The following LHFPL2 variants were observed in gnomAD, a reference collection of about 807,000 sequenced individuals.
LHFPL2 encodes the protein LHFPL tetraspan subfamily member 2.
A neutral mutation model predicts 17.5 loss-of-function variants in LHFPL2; 7 were observed. The observed-to-expected ratio is 0.40, with a 90% CI of 0.23 to 0.75. The LOEUF is 0.75. Ranked by LOEUF, LHFPL2 falls within the 30% of genes least tolerant of loss-of-function variation. The pLI is 0.37. For synonymous variants in LHFPL2, 134 were observed against 116.2 expected (o/e 1.15, Z -0.99); for missense variants, 241 against 294.8 (o/e 0.82, Z 1.34).
intron 4 of LHFPL2, among the ~76,000 whole-genome samples, chr5:78,490,746 C>CAAAAAAAAAAAAAAAAAAAAA (rs370809060): frequency 6.5e-5 from 6 of 92,124 alleles, no homozygotes; most frequent in African/African-American, 2.4e-4. Context: ...GACTCCCTCT[C>CAAAAAAAAAAAAAAAAAAAAA]AAAAAAAAAA....
intron 3 of LHFPL2, among the ~76,000 whole-genome samples, chr5:78,517,521 C>T (rs535637956): frequency 4.2e-4 from 64 of 152,326 alleles, no homozygotes; most frequent in Admixed American, 7.2e-4. Flanking sequence ...TTAATGGACT[C>T]ACAGTTCCAC....
chr5:78,644,251 C>A, intron 1 of LHFPL2: 2 of 722,190 alleles, frequency 2.8e-6, no homozygotes, highest in Admixed American at 2.4e-5. Context: ...GAAAAAAAAA[C>A]TGTGCTAGAA....
At chr5:78,566,878 T>C (rs1464773145) in intron 2 of LHFPL2, among the ~76,000 whole-genome samples, 1 of 152,256 alleles carries the variant, frequency 6.6e-6, no homozygotes, top group Non-Finnish European at 1.5e-5. Flanking sequence ...TATCTGGAAA[T>C]GGCTTCTGCG....
At chr5:78,644,247 A>G (rs1745785217) in intron 1 of LHFPL2, 3 of 718,898 alleles carry the variant, frequency 4.2e-6, no homozygotes, top group Non-Finnish European at 7.3e-6. Flanking sequence ...ATAAGAAAAA[A>G]AAACTGTGCT....
chr5:78,531,532 G>A (rs1458778801), intron 3 of LHFPL2, among the ~76,000 whole-genome samples: 1 of 151,908 alleles, frequency 6.6e-6, no homozygotes, highest in African/African-American at 2.4e-5. Flanking sequence ...CTGCTATACT[G>A]AAATAAAACA....
At chr5:78,642,969 T>C (rs768901038) in intron 1 of LHFPL2, among the ~76,000 whole-genome samples, 5 of 152,106 alleles carry the variant, frequency 3.3e-5, no homozygotes, top group Non-Finnish European at 7.4e-5. Context: ...GCTCACCTTG[T>C]TCCCCCCCCT....
chr5:78,546,582 A>T (rs115543674), intron 3 of LHFPL2, among the ~76,000 whole-genome samples: 90 of 152,370 alleles, frequency 5.9e-4, no homozygotes, highest in African/African-American at 2.1e-3. Context: ...TTTTTATCAC[A>T]TGATTCTCAG....
At chr5:78,524,573 C>A (rs1755559571) in intron 3 of LHFPL2, among the ~76,000 whole-genome samples, 1 of 151,978 alleles carries the variant, frequency 6.6e-6, no homozygotes. Flanking sequence ...GAAACCCCAC[C>A]TCCACTAAAA....
At chr5:78,635,384 CT>C (rs1214594411) in intron 1 of LHFPL2, among the ~76,000 whole-genome samples, 1 of 152,218 alleles carries the variant, frequency 6.6e-6, no homozygotes, top group Non-Finnish European at 1.5e-5. Context: ...CCACCGCCCC[CT>C]CTTCCCCCAG....
At chr5:78,561,845 C>T (rs1388113034) in intron 3 of LHFPL2, among the ~76,000 whole-genome samples, 1 of 152,188 alleles carries the variant, frequency 6.6e-6, no homozygotes, top group East Asian at 1.9e-4. Context: ...GTGGTTAGAG[C>T]AGGGATTTAA....
chr5:78,606,631 A>T (rs969267630), intron 2 of LHFPL2, among the ~76,000 whole-genome samples: 2 of 152,098 alleles, frequency 1.3e-5, no homozygotes, highest in African/African-American at 4.8e-5. Context: ...ATAGTAGCCA[A>T]CTCCAGCCAG....
intron 2 of LHFPL2, among the ~76,000 whole-genome samples, chr5:78,581,723 T>A (rs1432149489): frequency 1.3e-5 from 2 of 152,238 alleles, no homozygotes; most frequent in Non-Finnish European, 2.9e-5. Context: ...TGCATCAATG[T>A]TCATCAAGGA....
chr5:78,533,827 C>T (rs998961931), intron 3 of LHFPL2, among the ~76,000 whole-genome samples: 3 of 152,214 alleles, frequency 2.0e-5, no homozygotes, highest in Non-Finnish European at 4.4e-5. Flanking sequence ...CTGAGGTCCA[C>T]CACTCCCCTC....
At chr5:78,579,491 C>G (rs13184835) in intron 2 of LHFPL2, among the ~76,000 whole-genome samples, 3,960 of 152,284 alleles carry the variant, frequency 0.026, 84 homozygotes, top group Admixed American at 0.076. Context: ...AACCCTCCCC[C>G]CTTCCCCGAC....
intron 3 of LHFPL2, among the ~76,000 whole-genome samples, chr5:78,512,869 C>G (rs1755179585): frequency 6.6e-6 from 1 of 151,548 alleles, no homozygotes; most frequent in Non-Finnish European, 1.5e-5. Context: ...CCTCTCCTGC[C>G]TCAGCATCCA....
In LHFPL2 at chr5:78,633,027, T is replaced by C. The variant is rs1745309577; in HGVS notation, c.-349-659A>G. Among the ~76,000 whole-genome samples the C allele has an allele frequency of 2.6e-5, 4 of 152,320 alleles. No individual in the cohort carries two copies. The South Asian group carries it at 8.3e-4, about 32-fold the overall frequency. The stretch of plus-strand genomic sequence containing the variant: ...AAGCATTTCAGGTCACAAGAGGCCT[T>C]CTTGCAGCTGCTTTAGGAGAGTTTC... On this transcript the variant is annotated intron_variant, in intron 1 of 4. Transcript: ENST00000380345.
At chr5:78,578,225 T>C (rs555866115) in intron 2 of LHFPL2, among the ~76,000 whole-genome samples, 16 of 152,198 alleles carry the variant, frequency 1.1e-4, no homozygotes, top group Non-Finnish European at 2.2e-4. Flanking sequence ...AGATAGGAAA[T>C]GCCAGCACAT....
intron 4 of LHFPL2, among the ~76,000 whole-genome samples, chr5:78,491,744 G>A (rs1001119193): frequency 6.6e-6 from 1 of 152,174 alleles, no homozygotes; most frequent in Non-Finnish European, 1.5e-5. Context: ...TGTGAATTGT[G>A]AAGTCTGTTC....
intron 2 of LHFPL2, among the ~76,000 whole-genome samples, chr5:78,587,863 G>A (rs1483547918): frequency 6.6e-6 from 1 of 152,212 alleles, no homozygotes. Flanking sequence ...CCTTCTGGCT[G>A]TGGCCTCCCT....
Sources: gnomAD v4.1 joint callset for allele counts (sites outside exome capture counted in the v4.1 genomes callset) on GRCh38, gnomAD v4.1.1 for gene constraint, MANE v1.5 for transcripts, NCBI Gene and HGNC (gene_info 2026-07-23, HGNC 2026-07-21) for gene names.